TMC1: variants seen among roughly 807,000 people sequenced by gnomAD.
The protein encoded by TMC1 is transmembrane channel like 1.
In TMC1, 84 loss-of-function variants were observed where a neutral mutation model predicts 105.8. That is an observed-to-expected ratio of 0.79 (90% CI 0.67 to 0.95). TMC1 has a LOEUF of 0.95. Ranked by LOEUF, TMC1 falls within the 40% of genes least tolerant of loss-of-function variation. The probability of loss-of-function intolerance (pLI) is 0.00; values close to 1 mark genes in which losing one functional copy is unlikely to be tolerated. For synonymous variants in TMC1, 315 were observed against 311.5 expected (o/e 1.01, Z -0.12); for missense variants, 817 against 914.1 (o/e 0.89, Z 1.37).
intron 1 of TMC1, among the ~76,000 whole-genome samples, chr9:72,571,108 A>C (rs1041356638): frequency 6.9e-6 from 1 of 145,296 alleles, no homozygotes; most frequent in African/African-American, 2.5e-5. Context: ...GGATCATTTG[A>C]GGTCAGGAGT....
chr9:72,700,448 C>T, intron 7 of TMC1, 70 bp from the exon 8 acceptor site: 2 of 1,330,696 alleles, frequency 1.5e-6, no homozygotes, highest in Non-Finnish European at 1.0e-6. Context: ...TATCTGATAC[C>T]TGCCTTCCTT....
chr9:72,595,673 CTTTTTTT>C (rs71357596), intron 2 of TMC1, among the ~76,000 whole-genome samples: 1 of 124,126 alleles, frequency 8.1e-6, no homozygotes, highest in Non-Finnish European at 1.7e-5. Flanking sequence ...CAACTCTCAA[CTTTTTTT>C]TTTTTTTTTT....
rs544341943 is a variant in TMC1, at chr9:72,777,959, A to T, written c.884+5404A>T. 2.0e-5 allele frequency among the ~76,000 whole-genome samples: 3 copies of T among 152,324 alleles called. No homozygotes were observed. The South Asian group carries it at 6.2e-4, about 32-fold the overall frequency. ...GACAATTCATGTATTCATTCATTTG[A>T]TTACTATTTGTGGAACACCTAGAAT... On this transcript the variant is annotated intron_variant, in intron 13 of 23. Coordinates refer to ENST00000297784, the MANE Select transcript of TMC1 (RefSeq NM_138691.3).
chr9:72,764,099 A>C (rs1827795277), intron 12 of TMC1, among the ~76,000 whole-genome samples: 1 of 152,374 alleles, frequency 6.6e-6, no homozygotes, highest in Non-Finnish European at 1.5e-5. Flanking sequence ...GCACCAAATC[A>C]TAAATCTAAT....
chr9:72,718,536 C>G (rs1045116940), intron 8 of TMC1, among the ~76,000 whole-genome samples: 2 of 152,220 alleles, frequency 1.3e-5, no homozygotes, highest in African/African-American at 4.8e-5. Flanking sequence ...GATGTCTGCA[C>G]AGAGTCCTGT....
chr9:72,662,352 A>ATTT (rs11378166), intron 5 of TMC1, among the ~76,000 whole-genome samples: 1 of 138,684 alleles, frequency 7.2e-6, no homozygotes, highest in African/African-American at 2.7e-5. Context: ...ACACTCAGCA[A>ATTT]TTTTTTTTTT....
At chr9:72,536,031 T>A (rs1002417942) in intron 1 of TMC1, among the ~76,000 whole-genome samples, 2 of 152,214 alleles carry the variant, frequency 1.3e-5, no homozygotes, top group Non-Finnish European at 2.9e-5. Context: ...AACTATAGCA[T>A]TCTGCTTTGG....
At chr9:72,719,121 C>A (rs983588286) in intron 8 of TMC1, among the ~76,000 whole-genome samples, 1 of 152,198 alleles carries the variant, frequency 6.6e-6, no homozygotes, top group Admixed American at 6.5e-5. Flanking sequence ...AGGTTACCAG[C>A]CTCCTGGTTG....
intron 12 of TMC1, among the ~76,000 whole-genome samples, chr9:72,766,411 TG>T (rs1279207193): frequency 1.4e-5 from 2 of 147,136 alleles, no homozygotes; most frequent in African/African-American, 2.5e-5. Context: ...GGTGAGACTC[TG>T]TCTCAAAAAA....
chr9:72,755,433 AC>A (rs1827663657), intron 12 of TMC1, among the ~76,000 whole-genome samples: 1 of 152,156 alleles, frequency 6.6e-6, no homozygotes, highest in Non-Finnish European at 1.5e-5. Flanking sequence ...AATATTGAAA[AC>A]TAAGAAATAC....
chr9:72,649,765 T>C (rs1290973429), intron 5 of TMC1, among the ~76,000 whole-genome samples: 1 of 152,184 alleles, frequency 6.6e-6, no homozygotes, highest in Non-Finnish European at 1.5e-5. Flanking sequence ...TCAAATCTTA[T>C]GGAAGATGGT....
At chr9:72,553,162 G>A (rs113714940) in intron 1 of TMC1, among the ~76,000 whole-genome samples, 138 of 152,070 alleles carry the variant, frequency 9.1e-4, no homozygotes, top group Middle Eastern at 3.4e-3. Flanking sequence ...TAGTAGAGAC[G>A]GGGTTTCTCC....
At chr9:72,761,665 A>G (rs975096161) in intron 12 of TMC1, among the ~76,000 whole-genome samples, 12 of 152,172 alleles carry the variant, frequency 7.9e-5, no homozygotes, top group African/African-American at 2.7e-4. Context: ...CTCACATCCC[A>G]TCTTGGAGGT....
At chr9:72,812,976 A>G (rs1262960669) in intron 18 of TMC1, among the ~76,000 whole-genome samples, 2 of 152,182 alleles carry the variant, frequency 1.3e-5, no homozygotes, top group African/African-American at 4.8e-5. Flanking sequence ...AAGGTCCAAA[A>G]ATTAAACAAC....
chr9:72,822,689 A>C (rs980740794), intron 20 of TMC1, among the ~76,000 whole-genome samples: 3 of 152,234 alleles, frequency 2.0e-5, no homozygotes, highest in African/African-American at 7.2e-5. Flanking sequence ...TTCAAGGAAT[A>C]TGCCATTCAA....
intron 8 of TMC1, among the ~76,000 whole-genome samples, chr9:72,725,344 T>TATAC (rs1473967385): frequency 8.3e-6 from 1 of 119,868 alleles, no homozygotes; most frequent in Non-Finnish European, 1.7e-5. Flanking sequence ...TATATATATA[T>TATAC]ATATATATAT....
intron 23 of TMC1, among the ~76,000 whole-genome samples, chr9:72,834,173 T>C (rs1360471248): frequency 1.3e-5 from 2 of 152,204 alleles, no homozygotes; most frequent in Non-Finnish European, 2.9e-5. Context: ...AATTTTAGTT[T>C]CTGCAAGCTG....
At chr9:72,528,162 C>T (rs976038838) in intron 1 of TMC1, among the ~76,000 whole-genome samples, 3 of 152,080 alleles carry the variant, frequency 2.0e-5, no homozygotes, top group Non-Finnish European at 4.4e-5. Context: ...AAAAAAAAGG[C>T]CCCAGAGAGC....
intron 15 of TMC1, among the ~76,000 whole-genome samples, chr9:72,790,112 T>C (rs1828241096): frequency 1.3e-5 from 2 of 152,210 alleles, no homozygotes. Flanking sequence ...AAAATGCTTA[T>C]GTGTATGATG....
Sources: gnomAD v4.1 joint callset for allele counts (sites outside exome capture counted in the v4.1 genomes callset) on GRCh38, gnomAD v4.1.1 for gene constraint, MANE v1.5 for transcripts, NCBI Gene and HGNC (gene_info 2026-07-23, HGNC 2026-07-21) for gene names.